The following NDST4 variants were observed in gnomAD, a reference collection of about 807,000 sequenced individuals.
NDST4 encodes the protein N-deacetylase and N-sulfotransferase 4.
NDST4 carries 63 observed loss-of-function variants against 100.8 expected under a neutral mutation model. The observed-to-expected ratio is 0.62, with a 90% CI of 0.51 to 0.77. The LOEUF (loss-of-function observed/expected upper bound fraction) is 0.77. Among genes scored for constraint, NDST4 ranks in the 30% least tolerant of loss-of-function variants. The pLI is 0.00. For missense variants in NDST4, 943 were observed against 1,018.4 expected (o/e 0.93, Z 1.01); for synonymous variants, 377 against 361.8 (o/e 1.04, Z -0.48).
At position 115,061,061 on chromosome 4, in the gene NDST4, T is replaced by C. The variant is rs577966141; in HGVS notation, c.978+14998A>G. Among the ~76,000 whole-genome samples the C allele has an allele frequency of 2.0e-5, 3 of 152,124 alleles. No homozygotes were observed. The South Asian group carries it at 6.2e-4, about 32-fold the overall frequency. ...GACATTTATGCAGCCAACAAACATA[T>C]GAAAAAAAGCTCATCATCACTGGTC... On this transcript the variant is annotated intron_variant, in intron 2 of 13. Transcript: ENST00000264363.
intron 4 of NDST4, among the ~76,000 whole-genome samples, chr4:114,966,193 TCC>T (rs1726378326): frequency 4.6e-5 from 7 of 151,978 alleles, no homozygotes; most frequent in Admixed American, 2.6e-4. Context: ...GCATAATACA[TCC>T]ACACACATGT....
At chr4:115,065,300 T>C (rs1039773421) in intron 2 of NDST4, among the ~76,000 whole-genome samples, 23 of 152,202 alleles carry the variant, frequency 1.5e-4, no homozygotes, top group African/African-American at 4.6e-4. Flanking sequence ...TACAGATATA[T>C]GGTATGAGGG....
chr4:114,860,925 T>C (rs2126192609), intron 7 of NDST4, among the ~76,000 whole-genome samples: 1 of 152,330 alleles, frequency 6.6e-6, no homozygotes, highest in Admixed American at 6.5e-5. Flanking sequence ...GTGATATAGT[T>C]GATTTCTACT....
At chr4:115,061,809 G>T (rs1171544800) in intron 2 of NDST4, among the ~76,000 whole-genome samples, 1 of 151,926 alleles carries the variant, frequency 6.6e-6, no homozygotes, top group African/African-American at 2.4e-5. Context: ...AGTAGACAGT[G>T]TTCAAAATTG....
chr4:114,953,965 G>A (rs1726080321), intron 4 of NDST4, among the ~76,000 whole-genome samples: 1 of 152,068 alleles, frequency 6.6e-6, no homozygotes, highest in Non-Finnish European at 1.5e-5. Context: ...TCATATAAAT[G>A]AGCTTCAAGC....
intron 12 of NDST4, among the ~76,000 whole-genome samples, chr4:114,833,350 TAATC>T (rs934287958): frequency 4.6e-5 from 7 of 152,198 alleles, no homozygotes; most frequent in East Asian, 1.9e-4. Context: ...AAAATTTACT[TAATC>T]AAACTGATAA....
intron 11 of NDST4, among the ~76,000 whole-genome samples, chr4:114,838,147 A>G (rs1212463884): frequency 6.6e-6 from 1 of 152,190 alleles, no homozygotes; most frequent in Non-Finnish European, 1.5e-5. Flanking sequence ...TAGAATGGTG[A>G]TCATTAGAAA....
At chr4:114,883,385 A>C (rs1578363928) in intron 6 of NDST4, among the ~76,000 whole-genome samples, 1 of 152,160 alleles carries the variant, frequency 6.6e-6, no homozygotes, top group East Asian at 1.9e-4. Flanking sequence ...CTGTTATTTT[A>C]AAGTTGTCTA....
intron 1 of NDST4, among the ~76,000 whole-genome samples, chr4:115,097,939 G>A (rs1729653634): frequency 1.3e-5 from 2 of 152,100 alleles, no homozygotes; most frequent in Admixed American, 6.5e-5. Flanking sequence ...TATAAACATG[G>A]CAGATGTCCT....
intron 2 of NDST4, among the ~76,000 whole-genome samples, chr4:115,061,238 A>G (rs1728812044): frequency 6.6e-6 from 1 of 152,164 alleles, no homozygotes; most frequent in Non-Finnish European, 1.5e-5. Flanking sequence ...ATCTAGAACC[A>G]GAAATACCAT....
At chr4:114,997,019 G>A (rs1021624461) in intron 2 of NDST4, among the ~76,000 whole-genome samples, 23 of 152,174 alleles carry the variant, frequency 1.5e-4, no homozygotes, top group African/African-American at 5.3e-4. Context: ...ACCTAGCAAT[G>A]TTGTATTTTG....
intron 6 of NDST4, among the ~76,000 whole-genome samples, chr4:114,887,743 T>C (rs372970288): frequency 2.6e-4 from 39 of 152,222 alleles, no homozygotes; most frequent in African/African-American, 9.4e-4. Flanking sequence ...TAAAATAGAG[T>C]TTGCTTTCCC....
chr4:115,079,971 T>C (rs1196667732), intron 1 of NDST4, among the ~76,000 whole-genome samples: 1 of 152,176 alleles, frequency 6.6e-6, no homozygotes, highest in East Asian at 1.9e-4. Context: ...ATTTTAAATA[T>C]TTTAACACTT....
chr4:115,108,418 G>C (rs1403540432), intron 1 of NDST4, among the ~76,000 whole-genome samples: 1 of 151,926 alleles, frequency 6.6e-6, no homozygotes, highest in African/African-American at 2.4e-5. Flanking sequence ...ATCTAAATGT[G>C]TGAAATCACT....
chr4:114,876,124 G>A (rs745321355), intron 6 of NDST4, among the ~76,000 whole-genome samples: 6 of 152,130 alleles, frequency 3.9e-5, no homozygotes, highest in Admixed American at 1.3e-4. Flanking sequence ...CGTCTTTGCA[G>A]AGCAAGAAGA....
rs138246609 is a variant in NDST4, at chr4:115,034,318, C to T, written c.978+41741G>A. Among the ~76,000 whole-genome samples, 601 of 152,158 alleles carry T rather than the reference C, an allele frequency of 3.9e-3. 2 individuals carry two copies. Among genetic ancestry groups the T allele is most frequent in the African/African-American group, 0.014 (575 of 41,538 alleles). ...CCCTGCTAGCCGATGCCGTGTCCTCCTTCCTCCTTCCACTTGCTGTAGGTA... is the reference window on the plus strand; with the variant it reads ...CCCTGCTAGCCGATGCCGTGTCCTCTTTCCTCCTTCCACTTGCTGTAGGTA... On this transcript the variant is annotated intron_variant, in intron 2 of 13. Coordinates refer to ENST00000264363, the MANE Select transcript of NDST4 (RefSeq NM_022569.3).
At position 114,937,184 on chromosome 4, in the gene NDST4, T is replaced by C. The variant is rs751357487; in HGVS notation, c.1407+134A>G. 8 of 907,090 alleles carry C rather than the reference T, an allele frequency of 8.8e-6. No homozygotes were observed. The African/African-American group carries it at 1.2e-4, about 13-fold the overall frequency. 56.2% of individuals were successfully genotyped at this position (907,090 alleles called of 1,614,324 possible). The stretch of plus-strand genomic sequence containing the variant: ...TGGGTTAATGCATAACCAGTCACCA[T>C]TGAGATATGTTAGGTATTTCTGATA... On this transcript the variant is annotated intron_variant, in intron 5 of 13. Coordinates refer to ENST00000264363, the MANE Select transcript of NDST4 (RefSeq NM_022569.3).
In NDST4 at chr4:114,886,026, TG is replaced by T. The variant is rs551377278; in HGVS notation, c.1537-15077del. Among the ~76,000 whole-genome samples the T allele has an allele frequency of 9.2e-5, 14 of 151,862 alleles. No individual in the cohort carries two copies. The South Asian group carries it at 1.5e-3, about 16-fold the overall frequency. The stretch of plus-strand genomic sequence containing the variant: ...CATTCATATTTGAGACAATAGAGAG[TG>T]GTGGTGTCAATACTGAACTAGGGAG... On this transcript the variant is annotated intron_variant, in intron 6 of 13. Transcript: ENST00000264363.
rs565151800 is a variant in NDST4, at chr4:114,902,288, C to T, written c.1537-31338G>A. Among the ~76,000 whole-genome samples the T allele has an allele frequency of 3.3e-5, 5 of 151,996 alleles. No homozygotes were observed. The East Asian group carries it at 9.7e-4, about 29-fold the overall frequency. ...AGGCAAGTCACTGGCAACAAATTCC[C>T]TCCATTTTTGCTTTTCTAACAAAGT... On this transcript the variant is annotated intron_variant, in intron 6 of 13. Transcript: ENST00000264363.
Sources: gnomAD v4.1 joint callset for allele counts (sites outside exome capture counted in the v4.1 genomes callset) on GRCh38, gnomAD v4.1.1 for gene constraint, MANE v1.5 for transcripts, NCBI Gene and HGNC (gene_info 2026-07-23, HGNC 2026-07-21) for gene names.